ZSCAN31: variants seen among roughly 807,000 people sequenced by gnomAD.
ZSCAN31 encodes the protein zinc finger and SCAN domain-containing protein 31.
ZSCAN31 carries 14 observed loss-of-function variants against 22.5 expected under a neutral mutation model. The ratio of observed to expected loss-of-function variants is 0.62; its 90% CI spans 0.41 to 0.97. ZSCAN31 has a LOEUF of 0.97. Among genes scored for constraint, ZSCAN31 ranks in the 50% least tolerant of loss-of-function variants. The probability of loss-of-function intolerance (pLI) is 0.00; values close to 1 mark genes in which losing one functional copy is unlikely to be tolerated. For synonymous variants in ZSCAN31, 168 were observed against 169.8 expected, an observed-to-expected ratio of 0.99 and a Z score of 0.08; for missense variants, 424 against 483.4, an observed-to-expected ratio of 0.88 and a Z score of 1.15.
rs1327338168 is a variant in ZSCAN31 at position 28,331,054 on chromosome 6, G to A, written c.-95-1276C>T. 6.6e-6 allele frequency among the ~76,000 whole-genome samples: 1 copy of A among 151,954 alleles called. No homozygotes were observed. Among genetic ancestry groups the A allele is most frequent in the East Asian group, 1.9e-4 (1 of 5,180 alleles). On this transcript the variant is annotated intron_variant, in intron 1 of 3. Transcript: ENST00000344279. This position sits in a 1 kb window ranked among gnomAD's most constrained non-coding sequence, Gnocchi z 4.8. The stretch of plus-strand genomic sequence containing the variant: ...GGGTAAAATTGTGAGAGGAGATGAG[G>A]TTAGAAAGATGCATTATATGGGATA...
rs114937563 is a variant in ZSCAN31 at position 28,331,523 on chromosome 6, T to C, written c.-95-1745A>G. On this transcript the variant is annotated intron_variant, in intron 1 of 3. Coordinates refer to ENST00000344279, the MANE Select transcript of ZSCAN31 (RefSeq NM_030899.5). This position sits in a 1 kb window ranked among gnomAD's most constrained non-coding sequence, Gnocchi z 4.8. ...AATAAAATATTCACATAAAATGATG[T>C]TACAGAATTGAGAATTTGAAGAGTT... Among the ~76,000 whole-genome samples the C allele has an allele frequency of 1.3e-5, 2 of 152,342 alleles. No homozygotes were observed. The highest frequency in any genetic ancestry group is 3.9e-4 in the East Asian group (2 of 5,190).
chr6:28,329,453 T>G lies in ZSCAN31; in HGVS notation c.231A>C (p.Gln77His). The G allele has an allele frequency of 6.2e-7, 1 of 1,614,134 alleles. No individual in the cohort carries two copies. Among genetic ancestry groups the G allele is most frequent in the Admixed American group, 1.7e-5 (1 of 60,022 alleles). Residue 77 changes from glutamine (Q) to histidine (H), a missense_variant, in exon 2 of 4, where the codon CAA (glutamine) becomes CAC (histidine). Gln to His is a conservative substitution (Grantham distance 24, BLOSUM62 0). Coordinates refer to ENST00000344279, the MANE Select transcript of ZSCAN31 (RefSeq NM_030899.5). ...WLRPEIHTKE[Q>H]ILELLVLEQF... is the part of the protein sequence containing the mutation. The stretch of plus-strand genomic sequence containing the variant: ...GCTCCAGCACCAGCAGCTCCAAGAT[T>G]TGCTCTTTGGTGTGGATTTCTGGCC...
chr6:28,339,799 G>A (rs751927099), upstream of ZSCAN31, among the ~76,000 whole-genome samples: 1 of 152,230 alleles, frequency 6.6e-6, no homozygotes, highest in Non-Finnish European at 1.5e-5. Context: ...GAGATGGGGA[G>A]TCAGAAATGG....
intron 2 of ZSCAN31, among the ~76,000 whole-genome samples, chr6:28,352,209 T>A (rs1286766986): frequency 6.6e-6 from 1 of 152,242 alleles, no homozygotes; most frequent in Non-Finnish European, 1.5e-5. Flanking sequence ...CTTTTTAGTA[T>A]CTTTAACTTA....
chr6:28,338,080 G>GA (rs201487564), upstream of ZSCAN31, among the ~76,000 whole-genome samples: 218 of 136,968 alleles, frequency 1.6e-3, 1 homozygote, highest in African/African-American at 6.2e-3. Context: ...GAAGGAAAAA[G>GA]AAAAAAAACA....
chr6:28,353,222 C>T lies in ZSCAN31; in HGVS notation c.-371+640G>A, dbSNP rs192920464. The T allele has an allele frequency of 3.3e-3, 506 of 152,888 alleles. 1 individual carries two copies. The highest frequency in any genetic ancestry group is 6.1e-3 in the Non-Finnish European group (417 of 68,558). 9.5% of individuals were successfully genotyped at this position (152,888 alleles called of 1,614,324 possible). A position where few individuals can be genotyped will look rare whatever the true frequency, so the allele number is the denominator to read the frequency against. ...GACCTCATGATGTGCCCACCTCAGC[C>T]TCCCAAAGTGTTGGGATTACAGGCG... On this transcript the variant is annotated intron_variant, in intron 2 of 7. Transcript: ENST00000396838.
chr6:28,329,401 G>C lies in ZSCAN31; in HGVS notation c.283C>G (p.Leu95Val), dbSNP rs762132550. 6.2e-7 allele frequency: 1 copy of C among 1,614,202 alleles called. No individual in the cohort carries two copies. Among genetic ancestry groups the C allele is most frequent in the East Asian group, 2.2e-5 (1 of 44,878 alleles). The change falls in exon 2 of 4, where the codon CTC (leucine) becomes GTC (valine). Residue 95 changes from leucine to valine, a missense_variant. Transcript: ENST00000344279. Reference sequence around the variant, plus strand: ...TGGTGCTCCCGCACCCAGGCCTGGAGCTCCTCAGGCAGGATAGTCAGGAAT... The same window carrying C: ...TGGTGCTCCCGCACCCAGGCCTGGACCTCCTCAGGCAGGATAGTCAGGAAT... ...EQFLTILPEELQAWVREHHPE... is the reference protein window; with the variant it reads ...EQFLTILPEEVQAWVREHHPE...
chr6:28,343,235 A>G (rs1764488158), intron 2 of ZSCAN31, among the ~76,000 whole-genome samples: 1 of 152,168 alleles, frequency 6.6e-6, no homozygotes, highest in Admixed American at 6.5e-5. Context: ...TTTATTATAG[A>G]ATTATTGTAC....
upstream of ZSCAN31, chr6:28,336,742 T>C (rs1764194731): frequency 6.6e-6 from 1 of 152,252 alleles, no homozygotes; most frequent in Admixed American, 6.5e-5. Flanking sequence ...TCACTATTGT[T>C]AGTCCTCACA....
chr6:28,343,757 T>G (rs929485675), intron 2 of ZSCAN31, among the ~76,000 whole-genome samples: 7 of 152,208 alleles, frequency 4.6e-5, no homozygotes, highest in South Asian at 2.1e-4. Flanking sequence ...CTTGATCTCC[T>G]GACCTCATGA....
At chr6:28,342,159 G>A (rs1245539785) in intron 2 of ZSCAN31, among the ~76,000 whole-genome samples, 1 of 152,166 alleles carries the variant, frequency 6.6e-6, no homozygotes, top group Non-Finnish European at 1.5e-5. Flanking sequence ...CAGGCCTGGG[G>A]CTCACCTGAA....
chr6:28,356,088 T>G (rs2113907797), upstream of ZSCAN31: 1 of 152,332 alleles, frequency 6.6e-6, no homozygotes, highest in African/African-American at 2.4e-5. Context: ...GCCCGGAAAC[T>G]TATTCAGGTT....
rs1000194106 is a variant in ZSCAN31, at chr6:28,330,940, A to C, written c.-95-1162T>G. Among the ~76,000 whole-genome samples the C allele has an allele frequency of 7.9e-5, 12 of 152,236 alleles. No individual in the cohort carries two copies. The East Asian group carries it at 2.3e-3, about 29-fold the overall frequency. Reference sequence around the variant, plus strand: ...AGAAAGGAAGGTATCCGGCATCATAAATCAAGCAAACAACATGAGGAAAGG... The same window carrying C: ...AGAAAGGAAGGTATCCGGCATCATACATCAAGCAAACAACATGAGGAAAGG... On this transcript the variant is annotated intron_variant, in intron 1 of 3. Transcript: ENST00000344279.
At chr6:28,352,721 A>C (rs1445783481) in intron 2 of ZSCAN31, among the ~76,000 whole-genome samples, 4 of 152,210 alleles carry the variant, frequency 2.6e-5, no homozygotes, top group Non-Finnish European at 5.9e-5. Flanking sequence ...TTTTGGTATT[A>C]TTAGCTCATG....
upstream of ZSCAN31, among the ~76,000 whole-genome samples, chr6:28,354,949 T>G (rs973348091): frequency 2.6e-5 from 4 of 152,246 alleles, no homozygotes; most frequent in African/African-American, 7.2e-5. Context: ...CCATTTACAT[T>G]GCCCTGAGTT....
chr6:28,343,542 CTTTTTTTTTTT>C (rs34131321), intron 2 of ZSCAN31, among the ~76,000 whole-genome samples: 1 of 105,876 alleles, frequency 9.4e-6, no homozygotes, highest in Admixed American at 1.1e-4. Context: ...TTTTTTCTTT[CTTTTTTTTTTT>C]TTTTTTTTGA....
intron 2 of ZSCAN31, among the ~76,000 whole-genome samples, chr6:28,346,014 C>A (rs942026523): frequency 3.7e-4 from 56 of 152,264 alleles, no homozygotes; most frequent in African/African-American, 1.3e-3. Flanking sequence ...TCCTAGAGAC[C>A]CACATAGGGA....
Position 28,333,191 on chromosome 6 carries a change from C to T in ZSCAN31, c.-96+2891G>A, listed in dbSNP as rs1199636776. Among the ~76,000 whole-genome samples the T allele has an allele frequency of 6.6e-6, 1 of 152,104 alleles. No homozygotes were observed. The highest frequency in any genetic ancestry group is 1.5e-5 in the Non-Finnish European group (1 of 68,024). On this transcript the variant is annotated intron_variant, in intron 1 of 3. Coordinates refer to ENST00000344279, the MANE Select transcript of ZSCAN31 (RefSeq NM_030899.5). The surrounding 1 kb of genome is among the most constrained non-coding windows in gnomAD (Gnocchi z 4.1). ...GACTTCCACACTCATGAAAGGGAGA[C>T]AGAAAAATAAAAGGTAGTTGACTGC...
rs2113874493 is a variant in ZSCAN31, at chr6:28,349,984, G to A, written c.-371+3878C>T. The A allele has an allele frequency of 6.6e-6, 1 of 152,378 alleles. No individual in the cohort carries two copies. Among genetic ancestry groups the A allele is most frequent in the South Asian group, 2.1e-4 (1 of 4,820 alleles). The allele number at this position is 152,378 out of a possible 1,614,324, so 9.4% of individuals were successfully genotyped here. The stretch of plus-strand genomic sequence containing the variant: ...CACTTTGTGAGTATGGGGTGAATCG[G>A]CGTCGGCCTTCCACTGTGGGGTTAA... On this transcript the variant is annotated intron_variant, in intron 2 of 7. Coordinates refer to the ZSCAN31 transcript ENST00000396838. This position sits in a 1 kb window ranked among gnomAD's most constrained non-coding sequence, Gnocchi z 4.1.
Sources: allele counts gnomAD v4.1 joint callset (sites outside exome capture counted in the v4.1 genomes callset), GRCh38; gene constraint gnomAD v4.1.1; non-coding constraint Gnocchi (gnomAD v3.1); transcripts MANE v1.5; gene names NCBI Gene and HGNC (gene_info 2026-07-23, HGNC 2026-07-21).